The following NTRK2 variants were observed in gnomAD, a reference collection of about 807,000 sequenced individuals.
The protein encoded by NTRK2 is BDNF/NT-3 growth factors receptor.
NTRK2 carries 13 observed loss-of-function variants against 94.5 expected under a neutral mutation model. The ratio of observed to expected loss-of-function variants is 0.14; its 90% CI spans 0.09 to 0.22. NTRK2 has a LOEUF of 0.22. Ranked by LOEUF, NTRK2 falls within the 10% of genes least tolerant of loss-of-function variation. The probability of loss-of-function intolerance (pLI) is 1.00; values close to 1 mark genes in which losing one functional copy is unlikely to be tolerated. For missense variants in NTRK2, 639 were observed against 1,071.2 expected (o/e 0.60, Z 5.63); for synonymous variants, 372 against 407.4 (o/e 0.91, Z 1.05).
intron 12 of NTRK2, among the ~76,000 whole-genome samples, chr9:84,758,165 C>T (rs1041159131): frequency 3.3e-5 from 5 of 151,570 alleles, no homozygotes; most frequent in Non-Finnish European, 5.9e-5. Context: ...ATTTGTGGCT[C>T]ATATTTTCTT....
chr9:84,739,575 A>G (rs2063493378), intron 9 of NTRK2, among the ~76,000 whole-genome samples: 1 of 152,198 alleles, frequency 6.6e-6, no homozygotes, highest in South Asian at 2.1e-4. Context: ...TGTGGCTGAG[A>G]TAAATCTGGC....
chr9:84,673,833 T>TA (rs2058855146), intron 2 of NTRK2, among the ~76,000 whole-genome samples: 1 of 152,226 alleles, frequency 6.6e-6, no homozygotes, highest in Admixed American at 6.5e-5. Context: ...ACTAGATCAA[T>TA]ATCTATCTAT....
chr9:84,725,641 T>A (rs149667444), intron 8 of NTRK2, among the ~76,000 whole-genome samples: 3,155 of 148,262 alleles, frequency 0.021, 38 homozygotes, highest in Non-Finnish European at 0.026. Context: ...ATATGTACAT[T>A]ATATATATTA....
chr9:84,807,878 T>C (rs1333243546), intron 12 of NTRK2, among the ~76,000 whole-genome samples: 1 of 152,154 alleles, frequency 6.6e-6, no homozygotes, highest in African/African-American at 2.4e-5. Context: ...CTGTCCACAG[T>C]ATGGGAAGAT....
At chr9:84,905,275 G>GGT (rs58470162) in intron 14 of NTRK2, among the ~76,000 whole-genome samples, 2,928 of 147,916 alleles carry the variant, frequency 0.02, 31 homozygotes, top group South Asian at 0.031. Flanking sequence ...GGTTTTAGAG[G>GGT]GTGTGTGTGT....
intron 9 of NTRK2, among the ~76,000 whole-genome samples, chr9:84,731,529 T>C (rs186602496): frequency 6.6e-6 from 1 of 152,248 alleles, no homozygotes; most frequent in East Asian, 1.9e-4. Context: ...AAAGAGAGAA[T>C]AAAGACTATT....
chr9:84,952,837 T>G (rs929477414), intron 16 of NTRK2, among the ~76,000 whole-genome samples: 4 of 152,202 alleles, frequency 2.6e-5, no homozygotes, highest in Admixed American at 2.6e-4. Flanking sequence ...GAGGACAGAA[T>G]TTTGTGCAGA....
At chr9:84,885,280 T>A (rs973605489) in intron 14 of NTRK2, among the ~76,000 whole-genome samples, 5 of 152,126 alleles carry the variant, frequency 3.3e-5, no homozygotes, top group African/African-American at 4.8e-5. Context: ...CCCTTGAAAA[T>A]GAGATTCAAA....
intron 9 of NTRK2, among the ~76,000 whole-genome samples, chr9:84,731,075 A>C (rs2062857281): frequency 6.6e-6 from 1 of 152,084 alleles, no homozygotes; most frequent in East Asian, 1.9e-4. Flanking sequence ...TTGCATTTCC[A>C]TACAGAGCCA....
chr9:84,747,920 G>A (rs1297450436), intron 11 of NTRK2, among the ~76,000 whole-genome samples: 2 of 152,100 alleles, frequency 1.3e-5, no homozygotes, highest in African/African-American at 2.4e-5. Context: ...CTGTATGAGA[G>A]GTGCAATATT....
At chr9:84,809,518 C>A (rs1381843052) in intron 12 of NTRK2, among the ~76,000 whole-genome samples, 1 of 150,676 alleles carries the variant, frequency 6.6e-6, no homozygotes, top group African/African-American at 2.4e-5. Flanking sequence ...TACTACATCT[C>A]CATATGTGTC....
chr9:84,748,032 A>T (rs1400454818), intron 11 of NTRK2, among the ~76,000 whole-genome samples: 1 of 152,236 alleles, frequency 6.6e-6, no homozygotes, highest in Non-Finnish European at 1.5e-5. Flanking sequence ...CAAGAAGCAG[A>T]TACAAAAGTT....
chr9:84,900,936 G>A (rs890615473), intron 14 of NTRK2, among the ~76,000 whole-genome samples: 2 of 152,160 alleles, frequency 1.3e-5, no homozygotes, highest in African/African-American at 4.8e-5. Context: ...AAACAAATGA[G>A]TGGCAGGAGG....
intron 14 of NTRK2, among the ~76,000 whole-genome samples, chr9:84,900,247 T>C (rs984352525): frequency 1.3e-5 from 2 of 152,154 alleles, no homozygotes; most frequent in Non-Finnish European, 2.9e-5. Flanking sequence ...ATCTCTTCAC[T>C]TAAAAGACAA....
At chr9:84,771,584 A>T (rs17087628) in intron 12 of NTRK2, among the ~76,000 whole-genome samples, 2 of 152,178 alleles carry the variant, frequency 1.3e-5, no homozygotes, top group Non-Finnish European at 1.5e-5. Context: ...AAGTTTCTGT[A>T]TGGTGAAGTC....
intron 14 of NTRK2, among the ~76,000 whole-genome samples, chr9:84,883,303 G>T (rs1056871808): frequency 1.3e-5 from 2 of 152,192 alleles, no homozygotes; most frequent in African/African-American, 4.8e-5. Context: ...CTGAGGACAG[G>T]CTTGTACCTT....
chr9:84,722,741 G>T (rs537724725), intron 6 of NTRK2, among the ~76,000 whole-genome samples: 1 of 152,280 alleles, frequency 6.6e-6, no homozygotes, highest in African/African-American at 2.4e-5. Context: ...TGAAGTGATA[G>T]CAGCATCCCT....
chr9:84,686,231 A>C (rs2059705584), intron 2 of NTRK2, among the ~76,000 whole-genome samples: 1 of 152,226 alleles, frequency 6.6e-6, no homozygotes, highest in South Asian at 2.1e-4. Flanking sequence ...TAATTGTGGA[A>C]AGGAAAAAAG....
intron 15 of NTRK2, among the ~76,000 whole-genome samples, chr9:84,943,195 T>C (rs1449891698): frequency 6.6e-6 from 1 of 152,216 alleles, no homozygotes; most frequent in Non-Finnish European, 1.5e-5. Flanking sequence ...ACCTCATCTC[T>C]CCTAAACCAC....
Sources: allele counts gnomAD v4.1 joint callset (sites outside exome capture counted in the v4.1 genomes callset), GRCh38; gene constraint gnomAD v4.1.1; transcripts MANE v1.5; gene names NCBI Gene and HGNC (gene_info 2026-07-23, HGNC 2026-07-21).